Variants in KLF15 observed in about 807,000 individuals in gnomAD.
The protein encoded by KLF15 is Krueppel-like factor 15.
KLF15 carries 4 observed loss-of-function variants against 24.6 expected under a neutral mutation model. The ratio of observed to expected loss-of-function variants is 0.16; its 90% confidence interval spans 0.08 to 0.37. KLF15 has a LOEUF of 0.37. Among genes scored for constraint, KLF15 ranks in the 10% least tolerant of loss-of-function variants. KLF15 has a pLI of 1.00. For missense variants in KLF15, 496 were observed against 560.6 expected, an observed-to-expected ratio of 0.88 and a Z score of 1.16; for synonymous variants, 246 against 236.3, an observed-to-expected ratio of 1.04 and a Z score of -0.37.
the KLF15 span, among the ~76,000 whole-genome samples, chr3:126,307,742 G>A: frequency 6.6e-6 from 1 of 152,200 alleles, no homozygotes. Flanking sequence ...TCTGCTGCAT[G>A]GTGACTATCC....
chr3:126,316,873 G>A, the KLF15 span, among the ~76,000 whole-genome samples: 96,610 of 152,068 alleles, frequency 0.64, 31,011 homozygotes, highest in African/African-American at 0.7. Flanking sequence ...CCCCTCAGCA[G>A]GACCAGCGAG....
rs1307742816 is a variant in KLF15 at position 126,352,265 on chromosome 3, A to C, written c.658T>G (p.Leu220Val). ...ACAGGCACGGGCTGGATCTGCAGCA[A>C]CACTGGGATGGGGCCATCAGGCGTG... ...GPTPDGPIPV[L>V]LQIQPVPVKQ... is the part of the protein sequence containing the mutation. Residue 220 changes from leucine (L) to valine (V), a missense_variant, in exon 2 of 3, where the codon TTG (leucine) becomes GTG (valine). By Grantham distance (32) the Leu-to-Val change is conservative. Coordinates refer to ENST00000296233, the MANE Select transcript of KLF15 (RefSeq NM_014079.4). The C allele has an allele frequency of 1.3e-6, 2 of 1,539,654 alleles. No homozygotes were observed. Among genetic ancestry groups the C allele is most frequent in the Non-Finnish European group, 1.7e-6 (2 of 1,146,108 alleles).
the KLF15 span, among the ~76,000 whole-genome samples, chr3:126,292,838 G>GT: frequency 1.3e-5 from 2 of 151,628 alleles, no homozygotes; most frequent in Non-Finnish European, 2.9e-5. Context: ...CTGGACCCAG[G>GT]TAAGAAGTCA....
the KLF15 span, among the ~76,000 whole-genome samples, chr3:126,312,717 C>T: frequency 2.0e-5 from 3 of 152,202 alleles, no homozygotes; most frequent in Non-Finnish European, 2.9e-5. Flanking sequence ...TAACAAAGTA[C>T]GACAGCCTGA....
At chr3:126,300,757 G>A in the KLF15 span, among the ~76,000 whole-genome samples, 9 of 152,212 alleles carry the variant, frequency 5.9e-5, no homozygotes, top group East Asian at 3.9e-4. Context: ...CCTGCTGACC[G>A]GGGCAGGATC....
In KLF15 at chr3:126,352,054, G is replaced by T. The variant is rs772250713; in HGVS notation, c.869C>A (p.Pro290His). 2 of 1,530,324 alleles carry T rather than the reference G, an allele frequency of 1.3e-6. No homozygotes were observed. Among genetic ancestry groups the T allele is most frequent in the South Asian group, 1.3e-5 (1 of 79,122 alleles). 94.8% of individuals were successfully genotyped at this position (1,530,324 alleles called of 1,614,324 possible). The change falls in exon 2 of 3, where the codon CCT becomes CAT. Residue 290 changes from proline (P) to histidine (H), a missense_variant. Physicochemically the swap from Pro to His is moderately conservative, Grantham distance 77. Around this residue, in one of 3 missense-constraint regions of KLF15, gnomAD observed 399 missense variants for 423.1 expected, o/e 0.94. Coordinates refer to ENST00000296233, the MANE Select transcript of KLF15 (RefSeq NM_014079.4). ...RIAPVPIAAK[P>H]VGSGPLGPGP... Reference sequence around the variant, plus strand: ...AGGCCCCAGGGGTCCCGATCCAACAGGCTTGGCGGCAATGGGCACAGGGGC... The same window carrying T: ...AGGCCCCAGGGGTCCCGATCCAACATGCTTGGCGGCAATGGGCACAGGGGC...
the KLF15 span, among the ~76,000 whole-genome samples, chr3:126,294,986 C>T: frequency 1.1e-4 from 17 of 151,982 alleles, no homozygotes; most frequent in African/African-American, 2.7e-4. Context: ...TATATACATA[C>T]GTCTATGGAT....
chr3:126,307,288 C>A, the KLF15 span, among the ~76,000 whole-genome samples: 2 of 152,300 alleles, frequency 1.3e-5, no homozygotes, highest in African/African-American at 4.8e-5. Context: ...CAGTGTGGCA[C>A]TATCAGCCCT....
the KLF15 span, among the ~76,000 whole-genome samples, chr3:126,322,801 C>A: frequency 1.3e-5 from 2 of 152,202 alleles, no homozygotes; most frequent in Non-Finnish European, 2.9e-5. Context: ...GTTTGCACAA[C>A]TGATCAAGCC....
chr3:126,339,318 T>C (rs908399099), downstream of KLF15, among the ~76,000 whole-genome samples: 6 of 152,190 alleles, frequency 3.9e-5, no homozygotes, highest in Admixed American at 1.3e-4. Flanking sequence ...CCTGCATCTT[T>C]TGTTTTCTTG....
chr3:126,307,332 A>G, the KLF15 span, among the ~76,000 whole-genome samples: 1 of 152,192 alleles, frequency 6.6e-6, no homozygotes, highest in Non-Finnish European at 1.5e-5. Context: ...GAAATGGGCC[A>G]CCATCCAGCG....
At chr3:126,327,205 A>C in the KLF15 span, among the ~76,000 whole-genome samples, 8 of 151,950 alleles carry the variant, frequency 5.3e-5, no homozygotes, top group Non-Finnish European at 1.0e-4. Flanking sequence ...TGTGCCCTTG[A>C]CACTTCTGGG....
chr3:126,343,718 A>G lies in KLF15; in HGVS notation c.*9T>C, dbSNP rs1039600007. ...CGGGGTGACGGACAGGCTGGGGTTC[A>G]GGGCGCTTTCAGTTCACGGAGCGCA... On this transcript the variant is annotated 3_prime_UTR_variant, in exon 3 of 3. Coordinates refer to ENST00000296233, the MANE Select transcript of KLF15 (RefSeq NM_014079.4). 1 of 1,608,124 alleles carries G rather than the reference A, an allele frequency of 6.2e-7. No individual in the cohort carries two copies. Among genetic ancestry groups the G allele is most frequent in the Non-Finnish European group, 8.5e-7 (1 of 1,178,316 alleles).
In KLF15 at chr3:126,343,737, G is replaced by C; in HGVS notation, c.1241C>G (p.Ser414Cys). The C allele has an allele frequency of 6.2e-7, 1 of 1,611,284 alleles. No homozygotes were observed. Among genetic ancestry groups the C allele is most frequent in the Non-Finnish European group, 8.5e-7 (1 of 1,179,474 alleles). ...RFPRSSRSVR[S>C]VN ...GGGTTCAGGGCGCTTTCAGTTCACG[G>C]AGCGCACGGAGCGGCTGCTCCGCGG... The change falls in exon 3 of 3, where the codon TCC becomes TGC. Residue 414 changes from serine (S) to cysteine (C), a missense_variant. Coordinates refer to ENST00000296233, the MANE Select transcript of KLF15 (RefSeq NM_014079.4).
the KLF15 span, among the ~76,000 whole-genome samples, chr3:126,328,361 T>G: frequency 6.6e-6 from 1 of 152,206 alleles, no homozygotes; most frequent in Non-Finnish European, 1.5e-5. Context: ...GTTCTACAAT[T>G]TGCAATTGTG....
At chr3:126,296,011 G>T in the KLF15 span, among the ~76,000 whole-genome samples, 4 of 152,118 alleles carry the variant, frequency 2.6e-5, no homozygotes, top group Admixed American at 6.6e-5. Context: ...CTTCCCCACT[G>T]CACAGTCCCA....
At chr3:126,303,825 A>G in the KLF15 span, among the ~76,000 whole-genome samples, 23 of 150,872 alleles carry the variant, frequency 1.5e-4, no homozygotes, top group Non-Finnish European at 4.4e-5. Flanking sequence ...TATATTTTTT[A>G]TCTCTGTGTA....
chr3:126,306,169 G>A, the KLF15 span, among the ~76,000 whole-genome samples: 1 of 152,122 alleles, frequency 6.6e-6, no homozygotes, highest in Non-Finnish European at 1.5e-5. Context: ...CTGGGAAGCT[G>A]GTTATTTTGG....
the KLF15 span, among the ~76,000 whole-genome samples, chr3:126,330,438 G>A: frequency 6.6e-6 from 1 of 152,086 alleles, no homozygotes; most frequent in Non-Finnish European, 1.5e-5. Context: ...ATTAATTCTG[G>A]CAGATTTTCA....
Sources: allele counts gnomAD v4.1 joint callset (sites outside exome capture counted in the v4.1 genomes callset), GRCh38; gene constraint gnomAD v4.1.1; regional missense constraint gnomAD v4.1.1; transcripts MANE v1.5; gene names NCBI Gene and HGNC (gene_info 2026-07-23, HGNC 2026-07-21).